The following ITGB2 variants were observed in gnomAD, a reference collection of about 807,000 sequenced individuals.
The protein encoded by ITGB2 is integrin subunit beta 2.
In ITGB2, 56 loss-of-function variants were observed where a neutral mutation model predicts 86.8. The ratio of observed to expected loss-of-function variants is 0.65; its 90% CI spans 0.52 to 0.81. ITGB2 has a LOEUF of 0.81. ITGB2 is among the 30% of genes least tolerant of loss of function. ITGB2 has a pLI of 0.00. For missense variants in ITGB2, 948 were observed against 1,061.2 expected (o/e 0.89, Z 1.48); for synonymous variants, 457 against 450.4 (o/e 1.01, Z -0.19).
At chr21:44,894,799 G>A (rs1379286586) in intron 9 of ITGB2, 172 bp downstream of exon 9, 6 of 669,282 alleles carry the variant, frequency 9.0e-6, no homozygotes, top group South Asian at 6.2e-5. Context: ...TGGAAGTGCC[G>A]GGCCAGGGTG....
rs1195603602 is a variant in ITGB2, at chr21:44,891,666, C to G, written c.1412+143G>C. On this transcript the variant is annotated intron_variant, in intron 11 of 15. Coordinates refer to ENST00000652462, the MANE Select transcript of ITGB2 (RefSeq NM_000211.5). ...GGGTTCCAATCCCAAATCTCCCCAC[C>G]TCCTGCAGAAGGGGGCCCCCAGGAT... 5 of 865,800 alleles carry G rather than the reference C, an allele frequency of 5.8e-6. No homozygotes were observed. In the African/African-American group the frequency reaches 8.4e-5, roughly 14 times the overall value. 53.6% of individuals were successfully genotyped at this position (865,800 alleles called of 1,614,324 possible). A position where few individuals can be genotyped will look rare whatever the true frequency, so the allele number is the denominator to read the frequency against.
At chr21:44,903,331 G>T (rs1014393275) in intron 5 of ITGB2, 34 bp downstream of exon 5, 3 of 1,613,434 alleles carry the variant, frequency 1.9e-6, no homozygotes, top group African/African-American at 2.7e-5. Context: ...TCTGGGAAAG[G>T]ACTGGGTTTT....
At chr21:44,886,685 T>A (rs1392783523) in intron 15 of ITGB2, 51 bp downstream of exon 15, 1 of 1,610,306 alleles carries the variant, frequency 6.2e-7, no homozygotes, top group Non-Finnish European at 8.5e-7. Context: ...GGTCGCATAG[T>A]GTGGGACGCA....
At chr21:44,901,195 C>T (rs969940242) in intron 6 of ITGB2, among the ~76,000 whole-genome samples, 1 of 152,228 alleles carries the variant, frequency 6.6e-6, no homozygotes, top group Non-Finnish European at 1.5e-5. Context: ...GGCCCTGTTC[C>T]ACCCTTGGCC....
Position 44,886,065 on chromosome 21 carries a change from A to G in ITGB2, c.*303T>C, listed in dbSNP as rs2146489379. ...CCCTGACAAGTTTAAATGTAAATAA[A>G]TTGGCACCACCTTTAATCAGACTGA... is the stretch of plus-strand genomic sequence containing the variant. On this transcript the variant is annotated 3_prime_UTR_variant, in exon 16 of 16. Transcript: ENST00000652462. 1 of 476,588 alleles carries G rather than the reference A, an allele frequency of 2.1e-6. No homozygotes were observed. The highest frequency in any genetic ancestry group is 3.8e-6 in the Non-Finnish European group (1 of 261,306). 29.5% of individuals were successfully genotyped at this position (476,588 alleles called of 1,614,324 possible). A position where few individuals can be genotyped will look rare whatever the true frequency, so the allele number is the denominator to read the frequency against.
In ITGB2 at chr21:44,900,582, T is replaced by C. The variant is rs960502297; in HGVS notation, c.742-107A>G. On this transcript the variant is annotated intron_variant, in intron 6 of 15. Coordinates refer to ENST00000652462, the MANE Select transcript of ITGB2 (RefSeq NM_000211.5). ...GCTGGTGGGGTGGCCCGGAGGCTGG[T>C]GTGGGTCCCCCTTTCCCCTGGGTCT... The C allele has an allele frequency of 2.0e-5, 28 of 1,395,482 alleles. No individual in the cohort carries two copies. In the African/African-American group the frequency reaches 3.8e-4, roughly 19 times the overall value. 86.4% of individuals were successfully genotyped at this position (1,395,482 alleles called of 1,614,324 possible). A position where few individuals can be genotyped will look rare whatever the true frequency, so the allele number is the denominator to read the frequency against.
At chr21:44,889,596 C>A (rs2083755417) in intron 12 of ITGB2, 101 bp from the exon 13 acceptor site, 1 of 1,098,732 alleles carries the variant, frequency 9.1e-7, no homozygotes, top group Non-Finnish European at 1.3e-6. Context: ...CCTGCCTCCT[C>A]CAGCCTGGGG....
chr21:44,907,572 G>A (rs1203078218), intron 3 of ITGB2, among the ~76,000 whole-genome samples: 2 of 152,244 alleles, frequency 1.3e-5, no homozygotes, highest in Admixed American at 1.3e-4. Flanking sequence ...AAAGCTGGAG[G>A]GGAGCCTGGG....
chr21:44,898,849 G>A (rs2083905459), intron 8 of ITGB2, among the ~76,000 whole-genome samples: 1 of 152,264 alleles, frequency 6.6e-6, no homozygotes. Context: ...TGAGTTTCAG[G>A]GACGGGGAGG....
chr21:44,923,710 G>T (rs536271562), upstream of ITGB2, among the ~76,000 whole-genome samples: 1 of 152,280 alleles, frequency 6.6e-6, no homozygotes, highest in Non-Finnish European at 1.5e-5. Flanking sequence ...TGGTGGTGAT[G>T]GTTGCACAGT....
chr21:44,912,690 C>A (rs948779102), intron 1 of ITGB2, among the ~76,000 whole-genome samples: 1 of 152,122 alleles, frequency 6.6e-6, no homozygotes, highest in African/African-American at 2.4e-5. Flanking sequence ...TCCATCTGGG[C>A]CCCCTCAAAG....
intron 11 of ITGB2, among the ~76,000 whole-genome samples, chr21:44,891,086 G>A (rs1003720168): frequency 7.9e-5 from 12 of 152,330 alleles, no homozygotes; most frequent in African/African-American, 2.9e-4. Context: ...AGGGGAGGAG[G>A]TGACCAGAGC....
In ITGB2 at chr21:44,906,921, G is replaced by A. The variant is rs772471533; in HGVS notation, c.322C>T (p.Arg108Ter). 3.7e-6 allele frequency: 6 copies of A among 1,614,082 alleles called. No homozygotes were observed. The highest frequency in any genetic ancestry group is 5.1e-6 in the Non-Finnish European group (6 of 1,179,964). ...CCACCGAGGCCAAGCCTACCTGGTC[G>A]CAGGTAAAGCGTCACTTTTTGTGGG... The part of the protein sequence containing the change: ...LSPQKVTLYL[R>*]PGQAAAFNVT... Residue 108 changes from arginine to a stop codon, truncating the protein, a stop_gained, in exon 4 of 16, where the codon CGA (arginine) becomes TGA (stop). Coordinates refer to ENST00000652462, the MANE Select transcript of ITGB2 (RefSeq NM_000211.5). LOFTEE classifies it high-confidence loss of function.
In ITGB2 at chr21:44,908,271, C is replaced by T. The variant is rs552282134; in HGVS notation, c.148-1176G>A. On this transcript the variant is annotated intron_variant, in intron 3 of 15. Coordinates refer to ENST00000652462, the MANE Select transcript of ITGB2 (RefSeq NM_000211.5). ...CCTGCTGCCCTCCCCTTCTTCTCCACCCCCTCCCCTTCTCTAGTTTATAAG... is the reference window on the plus strand; with the variant it reads ...CCTGCTGCCCTCCCCTTCTTCTCCATCCCCTCCCCTTCTCTAGTTTATAAG... 329 of 573,648 alleles carry T rather than the reference C, an allele frequency of 5.7e-4. 1 individual carries two copies. The highest frequency in any genetic ancestry group is 4.5e-4 in the Non-Finnish European group (139 of 311,240). The allele number at this position is 573,648 out of a possible 1,614,324, so 35.5% of individuals were successfully genotyped here.
At chr21:44,919,611 G>A (rs1406604514) in intron 1 of ITGB2, among the ~76,000 whole-genome samples, 2 of 152,174 alleles carry the variant, frequency 1.3e-5, no homozygotes, top group Admixed American at 6.5e-5. Context: ...ACCCGCAGGC[G>A]TTGCGCCACC....
intron 12 of ITGB2, 90 bp from the exon 13 acceptor site, chr21:44,889,585 G>T (rs556688812): frequency 8.6e-7 from 1 of 1,165,176 alleles, no homozygotes; most frequent in Non-Finnish European, 1.2e-6. Flanking sequence ...CCTCCGGCCC[G>T]CCTGCCTCCT....
intron 3 of ITGB2, among the ~76,000 whole-genome samples, chr21:44,908,571 G>A (rs1219335170): frequency 2.0e-5 from 3 of 152,160 alleles, no homozygotes; most frequent in African/African-American, 7.2e-5. Context: ...CTTTCATGTG[G>A]ACCCCTTAGA....
intron 13 of ITGB2, 156 bp downstream of exon 13, chr21:44,889,120 C>T (rs1288929535): frequency 4.0e-6 from 3 of 750,454 alleles, no homozygotes; most frequent in Non-Finnish European, 6.6e-6. Context: ...GACACAGGGG[C>T]ACGGCGGCCG....
chr21:44,906,668 T>C (rs1472186154), intron 4 of ITGB2, among the ~76,000 whole-genome samples: 5 of 151,168 alleles, frequency 3.3e-5, no homozygotes, highest in African/African-American at 1.2e-4. Context: ...AACGTCGGGC[T>C]GCGAGAGAGT....
Sources: allele counts gnomAD v4.1 joint callset (sites outside exome capture counted in the v4.1 genomes callset), GRCh38; gene constraint gnomAD v4.1.1; transcripts MANE v1.5; gene names NCBI Gene and HGNC (gene_info 2026-07-23, HGNC 2026-07-21).